The following TRNT1 variants were observed in gnomAD, a reference collection of about 807,000 sequenced individuals.
The protein encoded by TRNT1 is CCA tRNA nucleotidyltransferase 1, mitochondrial.
In TRNT1, 44 loss-of-function variants were observed where a neutral mutation model predicts 45.6. The ratio of observed to expected loss-of-function variants is 0.97; its 90% CI spans 0.76 to 1.24. The LOEUF is 1.24. TRNT1 is among the 50% of genes most tolerant of loss of function. The pLI is 0.00. For missense variants in TRNT1, 633 were observed against 504.4 expected (o/e 1.25, Z -2.44); for synonymous variants, 201 against 171.4 (o/e 1.17, Z -1.35).
chr3:3,131,031 A>G (rs796267728), intron 2 of TRNT1, among the ~76,000 whole-genome samples: 44 of 151,932 alleles, frequency 2.9e-4, no homozygotes, highest in African/African-American at 1.0e-3. Flanking sequence ...CGGTAAGCCG[A>G]GATTGTGCCA....
chr3:3,145,502 CAAAAAAAAAAA>C (rs5846248), intron 5 of TRNT1: 3 of 88,398 alleles, frequency 3.4e-5, no homozygotes, highest in Non-Finnish European at 7.2e-5. Flanking sequence ...GACTCCATCT[CAAAAAAAAAAA>C]AAAAAAAAAA....
intron 5 of TRNT1, among the ~76,000 whole-genome samples, chr3:3,146,168 G>A (rs994538901): frequency 4.6e-5 from 7 of 151,248 alleles, no homozygotes; most frequent in African/African-American, 7.3e-5. Context: ...TGGAAGTGAG[G>A]TGGAGACCTT....
intron 2 of TRNT1, chr3:3,130,305 T>C (rs1291188471): frequency 4.4e-6 from 1 of 227,956 alleles, no homozygotes; most frequent in Non-Finnish European, 8.8e-6. Context: ...TCTATATTTT[T>C]AATAAAAGCT....
chr3:3,149,465 G>A (rs146574728), downstream of TRNT1: 28 of 152,002 alleles, frequency 1.8e-4, no homozygotes, highest in African/African-American at 5.8e-4. Context: ...GCTAGTAAAC[G>A]GTATGGGACA....
Position 3,146,617 on chromosome 3 carries a change from T to C in TRNT1, c.796T>C (p.Tyr266His). The C allele has an allele frequency of 1.2e-6, 2 of 1,601,562 alleles. No individual in the cohort carries two copies. The highest frequency in any genetic ancestry group is 8.5e-7 in the Non-Finnish European group (1 of 1,174,874). ...TATCTATGATCTTGATGTGGCTCCT[T>C]ATATAGGTGAGAGCAAGTTATAAAG... ...HLIYDLDVAP[Y>H]IGLPANASLE... The change falls in exon 6 of 8, where the codon TAT becomes CAT. Residue 266 changes from tyrosine to histidine, a missense_variant. By Grantham distance (83) the Tyr-to-His change is moderately conservative. Transcript: ENST00000251607.
At position 3,146,535 on chromosome 3, in the gene TRNT1, T is replaced by G; in HGVS notation, c.714T>G (p.Ile238Met). ...KGLAGISGER[I>M]WVELKKILVG... ...TGGCTGGAATATCAGGAGAAAGGAT[T>G]TGGGTGGAACTGAAAAAAATTCTTG... is the stretch of plus-strand genomic sequence containing the variant. Residue 238 changes from isoleucine (I) to methionine (M), a missense_variant, in exon 6 of 8, where the codon ATT (isoleucine) becomes ATG (methionine). Transcript: ENST00000251607. 2 of 1,613,980 alleles carry G rather than the reference T, an allele frequency of 1.2e-6. No homozygotes were observed. Among genetic ancestry groups the G allele is most frequent in the South Asian group, 2.2e-5 (2 of 91,068 alleles).
chr3:3,130,050 CCA>C (rs760284855), intron 2 of TRNT1: 280 of 1,288,594 alleles, frequency 2.2e-4, no homozygotes, highest in Non-Finnish European at 2.1e-4. Flanking sequence ...CTTGCTGTTG[CCA>C]CAGTTTCATT....
chr3:3,140,396 C>A, intron 3 of TRNT1, 114 bp from the exon 4 acceptor site: 1 of 944,128 alleles, frequency 1.1e-6, no homozygotes, highest in Non-Finnish European at 1.6e-6. Context: ...AAGACTATAA[C>A]TGTCAGGGCT....
downstream of TRNT1, chr3:3,152,598 G>C (rs1358596726): frequency 6.2e-7 from 1 of 1,613,724 alleles, no homozygotes; most frequent in African/African-American, 1.3e-5. Flanking sequence ...CTAAAACAAA[G>C]AATCAACATG....
At chr3:3,135,487 G>T (rs886594033) in intron 2 of TRNT1, among the ~76,000 whole-genome samples, 1 of 152,178 alleles carries the variant, frequency 6.6e-6, no homozygotes, top group Admixed American at 6.5e-5. Flanking sequence ...CCCAGAAGTG[G>T]GCTTTCATGG....
intron 2 of TRNT1, chr3:3,131,176 C>T (rs955011786): frequency 1.6e-4 from 24 of 152,076 alleles, no homozygotes; most frequent in Admixed American, 1.1e-3. Context: ...TCAGACTTAC[C>T]ACATTTTAAG....
rs558786435 is a variant in TRNT1, at chr3:3,137,604, C to T, written c.342+151C>T. ...TAAACCCTGCAGTCCTCTGTTCTTGCAGCCATGTTTACTTTTTATGTTACC... is the reference window on the plus strand; with the variant it reads ...TAAACCCTGCAGTCCTCTGTTCTTGTAGCCATGTTTACTTTTTATGTTACC... On this transcript the variant is annotated intron_variant, in intron 3 of 7. Coordinates refer to ENST00000251607, the MANE Select transcript of TRNT1 (RefSeq NM_182916.3). 3.2e-5 allele frequency: 18 copies of T among 567,796 alleles called. No homozygotes were observed. In the East Asian group the frequency reaches 5.0e-4, roughly 16 times the overall value. The allele number at this position is 567,796 out of a possible 1,614,324, so 35.2% of individuals were successfully genotyped here.
At chr3:3,151,195 T>C, downstream of TRNT1, 1 of 799,508 alleles carries the variant, frequency 1.3e-6, no homozygotes. Flanking sequence ...CCCTGAAACC[T>C]AAAAACATTT....
downstream of TRNT1, chr3:3,151,158 C>T (rs1706515031): frequency 1.7e-6 from 2 of 1,143,772 alleles, no homozygotes; most frequent in South Asian, 2.7e-5. Flanking sequence ...ATTAGAGATT[C>T]TAAGTTGAGA....
chr3:3,147,547 C>A lies in TRNT1; in HGVS notation c.900C>A (p.Phe300Leu), dbSNP rs376431679. 55 of 1,613,722 alleles carry A rather than the reference C, an allele frequency of 3.4e-5. No homozygotes were observed. The highest frequency in any genetic ancestry group is 5.0e-5 in the Admixed American group (3 of 59,986). Reference protein sequence around the residue: ...PKPVTLLASLFKVQDDVTKLD... With the variant: ...PKPVTLLASLLKVQDDVTKLD... ...CAGTGACTCTTTTGGCCTCATTATT[C>A]AAAGTACAAGATGATGTCACAAAAT... Residue 300 changes from phenylalanine to leucine, a missense_variant, in exon 7 of 8, where the codon TTC becomes TTA. Transcript: ENST00000251607.
In TRNT1 at chr3:3,129,206, CT is replaced by C; in HGVS notation, c.148+22del. On this transcript the variant is annotated intron_variant, in intron 2 of 7. Coordinates refer to ENST00000251607, the MANE Select transcript of TRNT1 (RefSeq NM_182916.3). ...TCTGACAGGTGAGAGATTAGGATAC[CT>C]TTTCTTGATTGGAAACCTATATAAA... The C allele has an allele frequency of 6.2e-7, 1 of 1,611,718 alleles. No individual in the cohort carries two copies. The highest frequency in any genetic ancestry group is 1.3e-5 in the African/African-American group (1 of 74,970).
At chr3:3,136,766 C>T (rs1559220214) in intron 2 of TRNT1, 3 of 375,506 alleles carry the variant, frequency 8.0e-6, no homozygotes, top group South Asian at 2.1e-5. Context: ...GCCATCCTCC[C>T]ACCTCAGCCT....
chr3:3,137,226 T>G, intron 2 of TRNT1, 34 bp from the exon 3 acceptor site: 2 of 1,527,960 alleles, frequency 1.3e-6, no homozygotes, highest in Non-Finnish European at 1.8e-6. Flanking sequence ...AATAAAGAAC[T>G]TGGGAATAAA....
rs768350248 is a variant in TRNT1, at chr3:3,148,827, A to AAAAC, written c.*679_*682dup. ...CCTATTAATTAATTATTGTTTTAAT[A>AAAAC]AAACAAACATTGGTATTGGAAGATA... On this transcript the variant is annotated 3_prime_UTR_variant, in exon 8 of 8. Coordinates refer to ENST00000251607, the MANE Select transcript of TRNT1 (RefSeq NM_182916.3). 11 of 152,198 alleles carry AAAAC rather than the reference A, an allele frequency of 7.2e-5. No individual in the cohort carries two copies. Among genetic ancestry groups the AAAAC allele is most frequent in the African/African-American group, 1.2e-4 (5 of 41,548 alleles). 9.4% of individuals were successfully genotyped at this position (152,198 alleles called of 1,614,324 possible). A position where few individuals can be genotyped will look rare whatever the true frequency, so the allele number is the denominator to read the frequency against.
Sources: gnomAD v4.1 joint callset for allele counts (sites outside exome capture counted in the v4.1 genomes callset) on GRCh38, gnomAD v4.1.1 for gene constraint, MANE v1.5 for transcripts, NCBI Gene and HGNC (gene_info 2026-07-23, HGNC 2026-07-21) for gene names.